The following LINGO2 variants were observed in gnomAD, a reference collection of about 807,000 sequenced individuals.
LINGO2 encodes the protein leucine-rich repeat and immunoglobulin-like domain-containing nogo receptor-interacting protein 2.
Under a neutral mutation model 30.6 loss-of-function variants are expected in LINGO2, and 14 were observed. The ratio of observed to expected loss-of-function variants is 0.46; its 90% CI spans 0.30 to 0.72. The LOEUF (loss-of-function observed/expected upper bound fraction) is 0.72, where lower values mean the gene tolerates loss of function less well. Ranked by LOEUF, LINGO2 falls within the 30% of genes least tolerant of loss-of-function variation. The pLI, the probability that LINGO2 is intolerant of heterozygous loss-of-function variation, is 0.07. For missense variants in LINGO2, 729 were observed against 751.7 expected, an observed-to-expected ratio of 0.97 and a Z score of 0.35; for synonymous variants, 317 against 288.5, an observed-to-expected ratio of 1.10 and a Z score of -1.00.
chr9:28,973,246 C>A, the LINGO2 span, among the ~76,000 whole-genome samples: 1 of 152,018 alleles, frequency 6.6e-6, no homozygotes, highest in African/African-American at 2.4e-5. Flanking sequence ...TAATCAAACT[C>A]CCAAAGATCA....
At chr9:28,854,546 A>G in the LINGO2 span, among the ~76,000 whole-genome samples, 2 of 152,010 alleles carry the variant, frequency 1.3e-5, no homozygotes, top group African/African-American at 4.8e-5. Flanking sequence ...ATATAATTTT[A>G]TGAGCGTTAA....
the LINGO2 span, among the ~76,000 whole-genome samples, chr9:29,047,497 G>A: frequency 6.6e-6 from 1 of 151,980 alleles, no homozygotes; most frequent in Non-Finnish European, 1.5e-5. Context: ...AAGCCATATA[G>A]GAAGACCCAT....
At chr9:28,226,642 G>GAA (rs1554690199) in intron 4 of LINGO2, among the ~76,000 whole-genome samples, 2 of 53,230 alleles carry the variant, frequency 3.8e-5, no homozygotes, top group Admixed American at 2.1e-4. Flanking sequence ...AAGGAAAGAA[G>GAA]GAAAGAAAGA....
chr9:28,460,406 GC>G (rs1825031106), intron 2 of LINGO2, among the ~76,000 whole-genome samples: 2 of 152,070 alleles, frequency 1.3e-5, no homozygotes, highest in Non-Finnish European at 2.9e-5. Context: ...GCAAAACGTA[GC>G]TTATGTCTAA....
At chr9:28,001,463 C>A (rs1563899401) in intron 5 of LINGO2, among the ~76,000 whole-genome samples, 1 of 152,170 alleles carries the variant, frequency 6.6e-6, no homozygotes, top group Non-Finnish European at 1.5e-5. Flanking sequence ...CCTTTCAACT[C>A]CCAGATAAGA....
At chr9:29,167,887 C>A in the LINGO2 span, among the ~76,000 whole-genome samples, 1 of 152,170 alleles carries the variant, frequency 6.6e-6, no homozygotes, top group African/African-American at 2.4e-5. Context: ...TACCCTGTTA[C>A]ATGGCCATCA....
At chr9:29,054,012 C>T in the LINGO2 span, among the ~76,000 whole-genome samples, 1 of 151,828 alleles carries the variant, frequency 6.6e-6, no homozygotes, top group Non-Finnish European at 1.5e-5. Flanking sequence ...AAATGTGTAT[C>T]TTTGTCTTAT....
At chr9:28,846,926 A>G in the LINGO2 span, among the ~76,000 whole-genome samples, 1 of 102,134 alleles carries the variant, frequency 9.8e-6, no homozygotes, top group Non-Finnish European at 2.2e-5. Flanking sequence ...AGAGTGAAGG[A>G]AAAAAAAAAA....
intron 4 of LINGO2, among the ~76,000 whole-genome samples, chr9:28,169,631 T>C (rs1168203860): frequency 6.6e-6 from 1 of 152,130 alleles, no homozygotes; most frequent in East Asian, 1.9e-4. Flanking sequence ...AATATCTTCA[T>C]GGAGATTAAC....
intron 4 of LINGO2, among the ~76,000 whole-genome samples, chr9:28,111,999 G>A (rs11790690): frequency 0.045 from 6,178 of 137,614 alleles, 211 homozygotes; most frequent in Middle Eastern, 0.14. Flanking sequence ...ATGCTGGTGC[G>A]CTGCACCCAC....
chr9:28,637,713 G>C (rs936043945), intron 1 of LINGO2, among the ~76,000 whole-genome samples: 1 of 152,180 alleles, frequency 6.6e-6, no homozygotes, highest in African/African-American at 2.4e-5. Context: ...AGCTTAAGGA[G>C]ATTTTGGGCT....
intron 4 of LINGO2, among the ~76,000 whole-genome samples, chr9:28,205,794 A>G (rs13296958): frequency 0.11 from 16,117 of 152,056 alleles, 913 homozygotes; most frequent in Middle Eastern, 0.15. Context: ...TCTTATCTCC[A>G]TTTCCTTTTG....
chr9:28,060,002 T>C (rs1282740203), intron 4 of LINGO2, among the ~76,000 whole-genome samples: 4 of 152,090 alleles, frequency 2.6e-5, no homozygotes, highest in Admixed American at 2.0e-4. Flanking sequence ...ATCCTTAGTG[T>C]CAGTTTCTAA....
chr9:28,496,380 C>G (rs1401765551), intron 1 of LINGO2, among the ~76,000 whole-genome samples: 1 of 151,886 alleles, frequency 6.6e-6, no homozygotes, highest in African/African-American at 2.4e-5. Context: ...ATAGTTAGCT[C>G]TTCTTGTTGA....
At chr9:28,239,246 T>C (rs574961573) in intron 4 of LINGO2, among the ~76,000 whole-genome samples, 1 of 152,118 alleles carries the variant, frequency 6.6e-6, no homozygotes, top group Admixed American at 6.5e-5. Flanking sequence ...CAGACTGTTC[T>C]GAAAAATAGA....
intron 3 of LINGO2, among the ~76,000 whole-genome samples, chr9:28,309,301 A>C (rs1824507939): frequency 6.6e-6 from 1 of 152,144 alleles, no homozygotes; most frequent in Non-Finnish European, 1.5e-5. Flanking sequence ...ATGAAATTGG[A>C]AATCCTCATT....
Position 28,147,436 on chromosome 9 carries a change from G to A in LINGO2, c.-86-135031C>T, listed in dbSNP as rs184220295. 9.4e-3 allele frequency among the ~76,000 whole-genome samples: 1,434 copies of A among 152,322 alleles called. 23 individuals carry two copies. The highest frequency in any genetic ancestry group is 0.032 in the African/African-American group (1,350 of 41,590). ...CCGCGTTCTCTCTTTGGAAACCTGTGGAGCGAGGCTGGTGGCCCTTGAGGC... is the reference window on the plus strand; with the variant it reads ...CCGCGTTCTCTCTTTGGAAACCTGTAGAGCGAGGCTGGTGGCCCTTGAGGC... On this transcript the variant is annotated intron_variant, in intron 4 of 5. Transcript: ENST00000379992. This position sits in a 1 kb window ranked among gnomAD's most constrained non-coding sequence, Gnocchi z 4.7.
the LINGO2 span, among the ~76,000 whole-genome samples, chr9:28,718,492 G>C: frequency 1.3e-5 from 2 of 151,988 alleles, no homozygotes; most frequent in African/African-American, 4.8e-5. Context: ...ATCATGGCCT[G>C]ATTACTTACT....
chr9:28,766,569 T>G, the LINGO2 span, among the ~76,000 whole-genome samples: 1 of 152,018 alleles, frequency 6.6e-6, no homozygotes, highest in Non-Finnish European at 1.5e-5. Flanking sequence ...CAATCTCTCT[T>G]CTGAATATGT....
Sources: gnomAD v4.1 joint callset for allele counts (sites outside exome capture counted in the v4.1 genomes callset) on GRCh38, gnomAD v4.1.1 for gene constraint, Gnocchi (gnomAD v3.1) non-coding constraint, MANE v1.5 for transcripts, NCBI Gene and HGNC (gene_info 2026-07-23, HGNC 2026-07-21) for gene names.